SLC7A9: variants seen among roughly 807,000 people sequenced by gnomAD.
The protein encoded by SLC7A9 is solute carrier family 7 member 9, also known as B(0,+)-type amino acid transporter 1.
Under a neutral mutation model 54.1 loss-of-function variants are expected in SLC7A9, and 38 were observed. The observed-to-expected ratio is 0.70, with a 90% CI of 0.54 to 0.92. The LOEUF is 0.92. Ranked by LOEUF, SLC7A9 falls within the 40% of genes least tolerant of loss-of-function variation. The probability of loss-of-function intolerance (pLI) is 0.00; values close to 1 mark genes in which losing one functional copy is unlikely to be tolerated. For missense variants in SLC7A9, 537 were observed against 636.1 expected (o/e 0.84, Z 1.68); for synonymous variants, 264 against 258.9 (o/e 1.02, Z -0.19).
intron 9 of SLC7A9, among the ~76,000 whole-genome samples, chr19:32,852,822 G>A (rs1053151721): frequency 6.6e-6 from 1 of 151,328 alleles, no homozygotes; most frequent in Admixed American, 6.6e-5. Context: ...AATTCTAAGT[G>A]TATAGGGAAT....
chr19:32,859,771 A>C, intron 8 of SLC7A9, 70 bp downstream of exon 8: 1 of 1,285,272 alleles, frequency 7.8e-7, no homozygotes, highest in East Asian at 2.3e-5. Context: ...GCTCACCTCC[A>C]GTGCTGACAC....
intron 10 of SLC7A9, among the ~76,000 whole-genome samples, chr19:32,842,809 G>A (rs890089185): frequency 5.3e-5 from 8 of 151,766 alleles, no homozygotes; most frequent in East Asian, 1.9e-4. Flanking sequence ...ATGGGGTTTC[G>A]CCATCTCACG....
chr19:32,859,218 C>A (rs959132214), intron 8 of SLC7A9, among the ~76,000 whole-genome samples: 2 of 152,096 alleles, frequency 1.3e-5, no homozygotes, highest in African/African-American at 4.8e-5. Context: ...TTGCCTCAGT[C>A]TTCTAAGTAG....
intron 9 of SLC7A9, among the ~76,000 whole-genome samples, chr19:32,857,918 G>A (rs1452277045): frequency 6.6e-6 from 1 of 152,188 alleles, no homozygotes; most frequent in African/African-American, 2.4e-5. Flanking sequence ...CTGTGACAGA[G>A]GTTTATGCAG....
At chr19:32,854,528 C>T (rs1968561932) in intron 9 of SLC7A9, among the ~76,000 whole-genome samples, 1 of 152,178 alleles carries the variant, frequency 6.6e-6, no homozygotes, top group Non-Finnish European at 1.5e-5. Flanking sequence ...AGACTTGAAA[C>T]TGTAAAATTC....
Position 32,853,230 on chromosome 19 carries a change from G to C in SLC7A9, c.977+5210C>G, listed in dbSNP as rs569702816. Among the ~76,000 whole-genome samples the C allele has an allele frequency of 5.9e-5, 9 of 152,268 alleles. No individual in the cohort carries two copies. The South Asian group carries it at 1.9e-3, about 32-fold the overall frequency. Reference sequence around the variant, plus strand: ...CTGGCCCATGTCATTCCATTTAGATGAAATGTCAAGAAAAAGCAGTTATAG... The same window carrying C: ...CTGGCCCATGTCATTCCATTTAGATCAAATGTCAAGAAAAAGCAGTTATAG... On this transcript the variant is annotated intron_variant, in intron 9 of 12. Coordinates refer to ENST00000023064, the MANE Select transcript of SLC7A9 (RefSeq NM_014270.5).
intron 4 of SLC7A9, among the ~76,000 whole-genome samples, chr19:32,863,277 CCT>C: frequency 6.6e-6 from 1 of 151,684 alleles, no homozygotes; most frequent in African/African-American, 2.4e-5. Context: ...CCACCACCCC[CCT>C]CCCCCGCCCT....
chr19:32,855,430 T>G (rs1404492909), intron 9 of SLC7A9, among the ~76,000 whole-genome samples: 1 of 152,160 alleles, frequency 6.6e-6, no homozygotes, highest in African/African-American at 2.4e-5. Context: ...CCGGGCGCGG[T>G]GGCTCACGCC....
At chr19:32,847,237 C>T (rs907104409) in intron 9 of SLC7A9, among the ~76,000 whole-genome samples, 4 of 152,080 alleles carry the variant, frequency 2.6e-5, no homozygotes, top group African/African-American at 4.8e-5. Flanking sequence ...CCAACTACTC[C>T]GAGCTACAGG....
intron 9 of SLC7A9, among the ~76,000 whole-genome samples, chr19:32,848,674 C>T (rs1968373513): frequency 6.6e-6 from 1 of 152,122 alleles, no homozygotes; most frequent in South Asian, 2.1e-4. Flanking sequence ...CAGCTCTGCA[C>T]CAAGTGGACC....
At chr19:32,868,414 T>A in intron 2 of SLC7A9, 34 bp downstream of exon 2, 1 of 1,574,282 alleles carries the variant, frequency 6.4e-7, no homozygotes, top group East Asian at 2.2e-5. Flanking sequence ...TTGCCTAACC[T>A]GCAAAGGGCC....
intron 11 of SLC7A9, among the ~76,000 whole-genome samples, chr19:32,835,795 T>G (rs529754168): frequency 6.6e-6 from 1 of 152,266 alleles, no homozygotes; most frequent in African/African-American, 2.4e-5. Flanking sequence ...ATTGATATAT[T>G]TAATGTAATG....
At chr19:32,858,293 C>T in intron 9 of SLC7A9, 147 bp downstream of exon 9, 1 of 672,822 alleles carries the variant, frequency 1.5e-6, no homozygotes, top group Non-Finnish European at 2.7e-6. Flanking sequence ...CAAGCTACAT[C>T]CCTTCTCTGG....
chr19:32,855,633 T>C lies in SLC7A9; in HGVS notation c.977+2807A>G, dbSNP rs930573529. Among the ~76,000 whole-genome samples, 17 of 150,764 alleles carry C rather than the reference T, an allele frequency of 1.1e-4. No homozygotes were observed. The East Asian group carries it at 1.2e-3, about 10-fold the overall frequency. On this transcript the variant is annotated intron_variant, in intron 9 of 12. Transcript: ENST00000023064. ...AGGAGAATGGCGTGAACCTGGGAGG[T>C]GGAGCTTGCAGTGAGCCGAGATCAT... is the stretch of plus-strand genomic sequence containing the variant.
In SLC7A9 at chr19:32,868,772, C is replaced by CGGGGA. The variant is rs1568535490; in HGVS notation, c.-111-128_-111-127insTCCCC. The CGGGGA allele has an allele frequency of 8.6e-5, 50 of 581,814 alleles. No individual in the cohort carries two copies. The African/African-American group carries it at 9.0e-4, about 11-fold the overall frequency. The allele number at this position is 581,814 out of a possible 1,614,324, so 36.0% of individuals were successfully genotyped here. On this transcript the variant is annotated intron_variant, in intron 1 of 12. Transcript: ENST00000023064. ...GTCCAGGCAGGGGAACACAGCTCCC[C>CGGGGA]GCTGCTCTCCAAAGCTCAGCTGCTT...
intron 9 of SLC7A9, among the ~76,000 whole-genome samples, chr19:32,855,593 T>G (rs1400424266): frequency 6.6e-6 from 1 of 151,878 alleles, no homozygotes; most frequent in African/African-American, 2.4e-5. Flanking sequence ...TCCCAGCTAC[T>G]CAGGAGGCTG....
At position 32,842,329 on chromosome 19, in the gene SLC7A9, A is replaced by T; in HGVS notation, c.1075-12T>A. Reference sequence around the variant, plus strand: ...GTTGCTATGATACCCTAATAGAAAGAAGAATGGATTTGTAGGTCATTACTA... The same window carrying T: ...GTTGCTATGATACCCTAATAGAAAGTAGAATGGATTTGTAGGTCATTACTA... On this transcript the variant is annotated splice_polypyrimidine_tract_variant and intron_variant, in intron 10 of 12. Coordinates refer to ENST00000023064, the MANE Select transcript of SLC7A9 (RefSeq NM_014270.5). 6.2e-7 allele frequency: 1 copy of T among 1,612,044 alleles called. No homozygotes were observed. Among genetic ancestry groups the T allele is most frequent in the Non-Finnish European group, 8.5e-7 (1 of 1,178,386 alleles).
rs192954982 is a variant in SLC7A9, at chr19:32,862,742, G to A, written c.479-156C>T. 43 of 596,442 alleles carry A rather than the reference G, an allele frequency of 7.2e-5. No homozygotes were observed. In the African/African-American group the frequency reaches 7.5e-4, roughly 10 times the overall value. 36.9% of individuals were successfully genotyped at this position (596,442 alleles called of 1,614,324 possible). On this transcript the variant is annotated intron_variant, in intron 4 of 12. Transcript: ENST00000023064. ...GAGCAGTGGCATGATCTCAGCTCAC[G>A]ATCTCAGCAATCTTTGCCTCCCCGG... is the stretch of plus-strand genomic sequence containing the variant.
intron 9 of SLC7A9, among the ~76,000 whole-genome samples, chr19:32,857,390 G>C (rs1327840865): frequency 2.0e-5 from 3 of 152,162 alleles, no homozygotes; most frequent in African/African-American, 7.2e-5. Context: ...GCTACAGTGA[G>C]CCAAGATCAT....
Sources: gnomAD v4.1 joint callset for allele counts (sites outside exome capture counted in the v4.1 genomes callset) on GRCh38, gnomAD v4.1.1 for gene constraint, MANE v1.5 for transcripts, NCBI Gene and HGNC (gene_info 2026-07-23, HGNC 2026-07-21) for gene names.